XKR9: variants seen among roughly 807,000 people sequenced by gnomAD.
XKR9 encodes XK-related protein 9.
XKR9 carries 32 observed loss-of-function variants against 32.0 expected under a neutral mutation model. That is an observed-to-expected ratio of 1.00 (90% CI 0.76 to 1.34). The LOEUF (loss-of-function observed/expected upper bound fraction) is 1.34. Ranked by LOEUF, XKR9 falls within the 40% of genes most tolerant of loss-of-function variation. The pLI, the probability that XKR9 is intolerant of heterozygous loss-of-function variation, is 0.00. For missense variants in XKR9, 546 were observed against 429.7 expected, an observed-to-expected ratio of 1.27 and a Z score of -2.39; for synonymous variants, 168 against 143.4, an observed-to-expected ratio of 1.17 and a Z score of -1.22.
chr8:70,876,011 T>C, the XKR9 span, among the ~76,000 whole-genome samples: 1 of 152,038 alleles, frequency 6.6e-6, no homozygotes, highest in Admixed American at 6.6e-5. Flanking sequence ...ACAGAAACAA[T>C]TCAAACATAA....
the XKR9 span, among the ~76,000 whole-genome samples, chr8:70,875,184 A>C: frequency 2.6e-5 from 4 of 152,188 alleles, no homozygotes; most frequent in Non-Finnish European, 5.9e-5. Context: ...CCTCGTGTAC[A>C]CATTTTCCCC....
the XKR9 span, among the ~76,000 whole-genome samples, chr8:70,989,796 C>G: frequency 2.0e-3 from 307 of 152,314 alleles, 2 homozygotes; most frequent in African/African-American, 7.0e-3. Context: ...AATTTGTCAT[C>G]AACCTAAACA....
At chr8:70,802,956 CAT>C in the XKR9 span, among the ~76,000 whole-genome samples, 1 of 152,154 alleles carries the variant, frequency 6.6e-6, no homozygotes, top group Non-Finnish European at 1.5e-5. Flanking sequence ...TATAGTATCT[CAT>C]AGGAGTTCTC....
intron 2 of XKR9, among the ~76,000 whole-genome samples, chr8:70,781,594 C>T (rs1369824106): frequency 6.7e-6 from 1 of 150,216 alleles, no homozygotes; most frequent in Non-Finnish European, 1.5e-5. Flanking sequence ...TCCTTGCCAG[C>T]ATTTGTTATT....
intron 4 of XKR9, among the ~76,000 whole-genome samples, chr8:70,714,504 ATAAT>A (rs1409709106): frequency 6.6e-6 from 1 of 152,062 alleles, no homozygotes; most frequent in African/African-American, 2.4e-5. Flanking sequence ...AATAGAAAAA[ATAAT>A]TCAATCTTTT....
intron 4 of XKR9, among the ~76,000 whole-genome samples, chr8:70,728,262 C>T (rs1449032560): frequency 6.6e-6 from 1 of 152,082 alleles, no homozygotes; most frequent in Non-Finnish European, 1.5e-5. Context: ...TTTTATAACT[C>T]TTAATCTTAA....
chr8:70,820,697 C>T, the XKR9 span, among the ~76,000 whole-genome samples: 2 of 152,062 alleles, frequency 1.3e-5, no homozygotes, highest in Non-Finnish European at 2.9e-5. Context: ...AACTTCTTCA[C>T]AAGGTGGCAG....
intron 2 of XKR9, among the ~76,000 whole-genome samples, chr8:70,761,774 C>G (rs183921135): frequency 6.6e-6 from 1 of 152,106 alleles, no homozygotes; most frequent in Non-Finnish European, 1.5e-5. Context: ...TTGCCCATGC[C>G]CATATCCTGA....
the XKR9 span, among the ~76,000 whole-genome samples, chr8:70,990,970 A>G: frequency 6.6e-6 from 1 of 152,212 alleles, no homozygotes; most frequent in Non-Finnish European, 1.5e-5. Context: ...ATATAACAAT[A>G]GGTCTTTCAC....
At chr8:71,024,771 A>G in the XKR9 span, among the ~76,000 whole-genome samples, 1 of 152,090 alleles carries the variant, frequency 6.6e-6, no homozygotes, top group Non-Finnish European at 1.5e-5. Context: ...CTCCCCACTA[A>G]TCTTGGCAAG....
chr8:70,758,732 A>G (rs1043640114), intron 2 of XKR9, among the ~76,000 whole-genome samples: 3 of 152,186 alleles, frequency 2.0e-5, no homozygotes, highest in African/African-American at 7.2e-5. Flanking sequence ...AATTTCTTTG[A>G]TTTAAGATTA....
chr8:70,805,144 A>G, the XKR9 span, among the ~76,000 whole-genome samples: 1 of 152,074 alleles, frequency 6.6e-6, no homozygotes, highest in Non-Finnish European at 1.5e-5. Flanking sequence ...AAGGAAGGGC[A>G]GTGCAGCACA....
chr8:70,904,938 G>A, the XKR9 span, among the ~76,000 whole-genome samples: 9 of 152,302 alleles, frequency 5.9e-5, 1 homozygote, highest in East Asian at 1.7e-3. Context: ...TAAGAATGTT[G>A]GATATTGGCC....
At chr8:70,888,541 A>G in the XKR9 span, among the ~76,000 whole-genome samples, 1 of 151,878 alleles carries the variant, frequency 6.6e-6, no homozygotes, top group Non-Finnish European at 1.5e-5. Flanking sequence ...GACCCAGACA[A>G]AAATATTTTC....
At chr8:70,870,646 A>G in the XKR9 span, among the ~76,000 whole-genome samples, 1 of 152,302 alleles carries the variant, frequency 6.6e-6, no homozygotes, top group East Asian at 1.9e-4. Flanking sequence ...ACTCACTTGG[A>G]AAAGTTGATA....
At chr8:70,771,475 A>T (rs560555457) in intron 2 of XKR9, among the ~76,000 whole-genome samples, 9 of 152,264 alleles carry the variant, frequency 5.9e-5, no homozygotes, top group African/African-American at 2.2e-4. Flanking sequence ...CTTTATATTA[A>T]TGGGGCAACA....
At chr8:70,943,961 T>A in the XKR9 span, among the ~76,000 whole-genome samples, 1 of 152,296 alleles carries the variant, frequency 6.6e-6, no homozygotes, top group African/African-American at 2.4e-5. Context: ...TTTTTAAAAA[T>A]TCAGTCTTGT....
At chr8:70,878,409 C>G in the XKR9 span, among the ~76,000 whole-genome samples, 1 of 151,974 alleles carries the variant, frequency 6.6e-6, no homozygotes, top group African/African-American at 2.4e-5. Context: ...TTCAGGAGAC[C>G]CACCTACGTG....
chr8:70,681,406 G>T, intron 3 of XKR9, 76 bp downstream of exon 3: 1 of 1,492,892 alleles, frequency 6.7e-7, no homozygotes, highest in African/African-American at 1.4e-5. Flanking sequence ...TCTTATCTGG[G>T]TAGTCAAATG....
Sources: gnomAD v4.1 joint callset for allele counts (sites outside exome capture counted in the v4.1 genomes callset) on GRCh38, gnomAD v4.1.1 for gene constraint, MANE v1.5 for transcripts, NCBI Gene and HGNC (gene_info 2026-07-23, HGNC 2026-07-21) for gene names.